Variants in XDH observed in about 807,000 individuals in gnomAD.
XDH encodes the protein xanthine dehydrogenase.
In XDH, 138 loss-of-function variants were observed where a neutral mutation model predicts 156.1. The observed-to-expected ratio is 0.88, with a 90% confidence interval of 0.77 to 1.02. The LOEUF is 1.02. Ranked by LOEUF, XDH falls within the 50% of genes least tolerant of loss-of-function variation. XDH has a pLI of 0.00. For synonymous variants in XDH, 669 were observed against 625.7 expected, an observed-to-expected ratio of 1.07 and a Z score of -1.03; for missense variants, 1,849 against 1,684.9, an observed-to-expected ratio of 1.10 and a Z score of -1.71.
chr2:31,378,094 GAAAGA>G (rs1686305002), intron 13 of XDH, among the ~76,000 whole-genome samples: 1 of 58,464 alleles, frequency 1.7e-5, no homozygotes, highest in Non-Finnish European at 3.2e-5. Flanking sequence ...AAGAAAGAAA[GAAAGA>G]AAGAAAGAAA....
intron 24 of XDH, among the ~76,000 whole-genome samples, chr2:31,360,553 G>A (rs1031318804): frequency 3.3e-5 from 5 of 152,146 alleles, no homozygotes; most frequent in African/African-American, 1.2e-4. Flanking sequence ...GATGAAATCT[G>A]ATGATCTCCT....
chr2:31,395,196 C>T (rs1469472575), intron 6 of XDH, among the ~76,000 whole-genome samples: 1 of 152,118 alleles, frequency 6.6e-6, no homozygotes, highest in Non-Finnish European at 1.5e-5. Context: ...ATCCTATAGT[C>T]CTAGGATTAG....
Position 31,349,806 on chromosome 2 carries a change from T to A in XDH, c.2849A>T (p.Glu950Val). The A allele has an allele frequency of 6.2e-7, 1 of 1,614,104 alleles. No homozygotes were observed. The highest frequency in any genetic ancestry group is 8.5e-7 in the Non-Finnish European group (1 of 1,180,010). The part of the protein sequence containing the change: ...EEVRRKNLYK[E>V]GDLTHFNQKL... ...CTGGTTGAAGTGTGTCAGGTCCCCT[T>A]CTTTGTACAGGTTTTTTCTCCGCAC... Residue 950 changes from glutamate (E) to valine (V), a missense_variant, in exon 26 of 36, where the codon GAA becomes GTA. Glu to Val is a moderately radical substitution (Grantham distance 121). Transcript: ENST00000379416.
intron 9 of XDH, among the ~76,000 whole-genome samples, chr2:31,385,495 A>AG (rs1686564004): frequency 6.6e-6 from 1 of 152,202 alleles, no homozygotes; most frequent in African/African-American, 2.4e-5. Context: ...CAGCTCCTTC[A>AG]GGAACCAGAG....
In XDH at chr2:31,341,146, G is replaced by T. The variant is rs577469532; in HGVS notation, c.3585+183C>A. Among the ~76,000 whole-genome samples the T allele has an allele frequency of 4.0e-3, 606 of 152,246 alleles. 3 individuals carry two copies. The highest frequency in any genetic ancestry group is 0.014 in the African/African-American group (583 of 41,534). The stretch of plus-strand genomic sequence containing the variant: ...GTTGACCCATATTAATTTGCTTTCT[G>T]CCTTGAGGGTTGGTTGGACTATCAC... On this transcript the variant is annotated intron_variant, in intron 33 of 35. Transcript: ENST00000379416.
At chr2:31,368,213 T>C (rs1006683694) in intron 19 of XDH, among the ~76,000 whole-genome samples, 156 bp from the exon 20 acceptor site, 1 of 152,206 alleles carries the variant, frequency 6.6e-6, no homozygotes, top group African/African-American at 2.4e-5. Context: ...TAAGCTCTAC[T>C]ATAGCCCAGA....
rs757028947 is a variant in XDH at position 31,386,411 on chromosome 2, TA to T, written c.793+2del. On this transcript the variant is annotated splice_donor_variant, in intron 9 of 35. Transcript: ENST00000379416. LOFTEE classifies it high-confidence loss of function. Reference sequence around the variant, plus strand: ...GCCCCAGGGCAGCCTCCCTGGCCCTTACCAATCTCCGTGTTCCCCACGACCA... The same window carrying T: ...GCCCCAGGGCAGCCTCCCTGGCCCTTCCAATCTCCGTGTTCCCCACGACCA... 6.2e-7 allele frequency: 1 copy of T among 1,612,582 alleles called. No individual in the cohort carries two copies. Among genetic ancestry groups the T allele is most frequent in the East Asian group, 2.2e-5 (1 of 44,850 alleles).
rs2163059 is a variant in XDH, at chr2:31,380,268, A to G, written c.1133-292T>C. ...AATACTTCCAGGCCACCAAAGTTGCATCACTGAATGTGAAGCTGGGAAGAA... is the reference window on the plus strand; with the variant it reads ...AATACTTCCAGGCCACCAAAGTTGCGTCACTGAATGTGAAGCTGGGAAGAA... On this transcript the variant is annotated intron_variant, in intron 12 of 35. Transcript: ENST00000379416. Among the ~76,000 whole-genome samples the G allele has an allele frequency of 0.4, 60,459 of 152,090 alleles. 13,074 individuals are homozygous for G. Among genetic ancestry groups the G allele is most frequent in the African/African-American group, 0.58 (23,921 of 41,494 alleles).
intron 2 of XDH, among the ~76,000 whole-genome samples, 174 bp downstream of exon 2, chr2:31,405,733 G>T (rs1038217910): frequency 1.3e-5 from 2 of 152,118 alleles, no homozygotes; most frequent in African/African-American, 4.8e-5. Context: ...TTCAGTAGCT[G>T]AGAATTTCAG....
chr2:31,349,867 G>A (rs757508316), intron 25 of XDH, 36 bp from the exon 26 acceptor site: 14 of 1,612,742 alleles, frequency 8.7e-6, no homozygotes, highest in Admixed American at 3.3e-5. Context: ...CCTTGTTGGC[G>A]GCAAGAGACT....
intron 24 of XDH, 95 bp downstream of exon 24, chr2:31,364,063 T>C (rs1685844808): frequency 9.4e-6 from 11 of 1,171,902 alleles, no homozygotes; most frequent in Middle Eastern, 5.4e-4. Context: ...ACTGCAACAG[T>C]AGCAAGCAGG....
chr2:31,338,704 C>A (rs1685038382), intron 34 of XDH, among the ~76,000 whole-genome samples: 1 of 140,712 alleles, frequency 7.1e-6, no homozygotes, highest in Non-Finnish European at 1.5e-5. Flanking sequence ...CTCCAGGCAT[C>A]TGACCAAGTC....
chr2:31,342,621 A>G (rs1685158069), intron 31 of XDH, among the ~76,000 whole-genome samples: 1 of 152,198 alleles, frequency 6.6e-6, no homozygotes, highest in Non-Finnish European at 1.5e-5. Context: ...GAAGGACATG[A>G]AAGTCACACT....
rs1288739121 is a variant in XDH, at chr2:31,346,755, C to T, written c.3351+14G>A. On this transcript the variant is annotated intron_variant, in intron 30 of 35. Transcript: ENST00000379416. The stretch of plus-strand genomic sequence containing the variant: ...TCTCCTTTGCAAACGTGACTTGGAT[C>T]AGCTCAGACTTACCCAGTCTTCCCA... The T allele has an allele frequency of 6.2e-7, 1 of 1,614,178 alleles. No homozygotes were observed. Among genetic ancestry groups the T allele is most frequent in the Non-Finnish European group, 8.5e-7 (1 of 1,180,034 alleles).
chr2:31,398,390 C>G (rs1686968521), intron 5 of XDH, among the ~76,000 whole-genome samples, 183 bp downstream of exon 5: 1 of 152,198 alleles, frequency 6.6e-6, no homozygotes, highest in Admixed American at 6.5e-5. Context: ...CCACACCAAC[C>G]AGGAGTTCTC....
At chr2:31,383,980 AG>A in intron 9 of XDH, 133 bp from the exon 10 acceptor site, 2 of 858,786 alleles carry the variant, frequency 2.3e-6, no homozygotes, top group Non-Finnish European at 3.8e-6. Context: ...TGGTGACTGT[AG>A]GTGTCTGGGA....
intron 24 of XDH, among the ~76,000 whole-genome samples, chr2:31,363,601 C>T (rs1227296413): frequency 6.6e-6 from 1 of 152,126 alleles, no homozygotes; most frequent in Non-Finnish European, 1.5e-5. Context: ...AATGGATTAA[C>T]TTTATGGTAT....
chr2:31,404,745 C>T (rs1194728483), intron 2 of XDH, among the ~76,000 whole-genome samples: 1 of 152,090 alleles, frequency 6.6e-6, no homozygotes, highest in African/African-American at 2.4e-5. Flanking sequence ...ACTTTCACTC[C>T]CCAGCACCAC....
chr2:31,385,114 T>G (rs372353743), intron 9 of XDH, among the ~76,000 whole-genome samples: 2 of 152,130 alleles, frequency 1.3e-5, no homozygotes, highest in South Asian at 4.1e-4. Flanking sequence ...GGGGACCACA[T>G]GAGCCCATGA....
Sources: allele counts gnomAD v4.1 joint callset (sites outside exome capture counted in the v4.1 genomes callset), GRCh38; gene constraint gnomAD v4.1.1; transcripts MANE v1.5; gene names NCBI Gene and HGNC (gene_info 2026-07-23, HGNC 2026-07-21).